The following HMCN1 variants were observed in gnomAD, a reference collection of about 807,000 sequenced individuals.
HMCN1 encodes the protein hemicentin-1.
In HMCN1, 321 loss-of-function variants were observed where a neutral mutation model predicts 625.9. The observed-to-expected ratio is 0.51, with a 90% CI of 0.47 to 0.56. The LOEUF (loss-of-function observed/expected upper bound fraction) is 0.56, where lower values mean the gene tolerates loss of function less well. HMCN1 is among the 20% of genes least tolerant of loss of function. The pLI is 0.00. For missense variants in HMCN1, 6,588 were observed against 6,887.3 expected, an observed-to-expected ratio of 0.96 and a Z score of 1.54; for synonymous variants, 2,425 against 2,417.6, an observed-to-expected ratio of 1.00 and a Z score of -0.09.
At chr1:185,779,888 T>G (rs1357313527) in intron 1 of HMCN1, among the ~76,000 whole-genome samples, 1 of 152,230 alleles carries the variant, frequency 6.6e-6, no homozygotes. Flanking sequence ...GTGAAGAAAG[T>G]CATTGGTAGC....
intron 41 of HMCN1, among the ~76,000 whole-genome samples, chr1:186,048,293 C>T (rs1350980176): frequency 6.6e-6 from 1 of 152,028 alleles, no homozygotes; most frequent in Admixed American, 6.6e-5. Context: ...AAGAATGAGG[C>T]TAATGTAATA....
chr1:185,994,869 G>A lies in HMCN1; in HGVS notation c.3560G>A (p.Arg1187Lys), dbSNP rs781319162. 2 of 1,613,818 alleles carry A rather than the reference G, an allele frequency of 1.2e-6. No homozygotes were observed. Among genetic ancestry groups the A allele is most frequent in the East Asian group, 4.5e-5 (2 of 44,856 alleles). The change falls in exon 24 of 107, where the codon AGA (arginine) becomes AAA (lysine). Residue 1187 changes from arginine to lysine, a missense_variant. Transcript: ENST00000271588. ...CATCTCAAAGTCCAAGTTGGTCAAA[G>A]AGTGGATATTCCATGTAATGCTCAA... ...PKHLKVQVGQ[R>K]VDIPCNAQGT... is the part of the protein sequence containing the mutation.
At chr1:185,994,127 A>G (rs972826248) in intron 23 of HMCN1, among the ~76,000 whole-genome samples, 1 of 152,166 alleles carries the variant, frequency 6.6e-6, no homozygotes, top group African/African-American at 2.4e-5. Context: ...AAAGAAAAAA[A>G]CATAGAAATT....
At chr1:185,805,904 G>A (rs1249420028) in intron 1 of HMCN1, among the ~76,000 whole-genome samples, 1 of 152,026 alleles carries the variant, frequency 6.6e-6, no homozygotes, top group Non-Finnish European at 1.5e-5. Flanking sequence ...CCACATTCAT[G>A]GTTAGGGCAT....
At chr1:185,862,190 T>C (rs186859834) in intron 2 of HMCN1, among the ~76,000 whole-genome samples, 2 of 141,212 alleles carry the variant, frequency 1.4e-5, no homozygotes, top group African/African-American at 6.4e-5. Context: ...GATAGAAAGA[T>C]AGAAAGATTA....
In HMCN1 at chr1:185,990,309, G is replaced by A. The variant is rs1211269673; in HGVS notation, c.3243G>A (p.Leu1081=). Residue 1081 remains leucine (L), a synonymous_variant, in exon 22 of 107, where the codon CTG becomes CTA. Transcript: ENST00000271588. ...RPRVFGDQRG[L]SQDKPVEISV... ...GAGTGTTTGGAGATCAACGAGGACT[G>A]TCCCAGGATAAGCCTGTTGAGATCT... 6.2e-7 allele frequency: 1 copy of A among 1,613,858 alleles called. No homozygotes were observed. Among genetic ancestry groups the A allele is most frequent in the Non-Finnish European group, 8.5e-7 (1 of 1,179,860 alleles).
At chr1:186,096,882 A>T (rs1299419720) in intron 68 of HMCN1, among the ~76,000 whole-genome samples, 1 of 152,262 alleles carries the variant, frequency 6.6e-6, no homozygotes, top group South Asian at 2.1e-4. Flanking sequence ...GGGATAGAAG[A>T]TACATACCTC....
intron 105 of HMCN1, among the ~76,000 whole-genome samples, chr1:186,186,724 T>C (rs1388080185): frequency 6.6e-6 from 1 of 152,092 alleles, no homozygotes. Flanking sequence ...GGCCATGAGA[T>C]GTTCTCAGGC....
At position 186,145,464 on chromosome 1, in the gene HMCN1, G is replaced by A. The variant is rs1288393054; in HGVS notation, c.14328G>A (p.Gly4776=). 24 of 1,609,928 alleles carry A rather than the reference G, an allele frequency of 1.5e-5. No homozygotes were observed. The highest frequency in any genetic ancestry group is 2.0e-5 in the Non-Finnish European group (23 of 1,177,338). Residue 4776 remains glycine, a synonymous_variant, in exon 92 of 107, where the codon GGG becomes GGA. Coordinates refer to ENST00000271588, the MANE Select transcript of HMCN1 (RefSeq NM_031935.3). The part of the protein sequence containing the change: ...WGTCSRTCNG[G]QMRRYRTCDN... ...CATGCAGCCGGACGTGTAACGGAGG[G>A]CAGATGCGGCGGTACCGCACATGTG...
At position 186,017,065 on chromosome 1, in the gene HMCN1, C is replaced by T. The variant is rs774365768; in HGVS notation, c.5294C>T (p.Thr1765Ile). 3 of 1,570,866 alleles carry T rather than the reference C, an allele frequency of 1.9e-6. No individual in the cohort carries two copies. Among genetic ancestry groups the T allele is most frequent in the Admixed American group, 1.7e-5 (1 of 59,900 alleles). ...CATGTGACAGGCTCTCCCCCACCAA[C>T]TATCATGTAAGGGTTTTGGTATGTC... ...DCHVTGSPPP[T>I]IMWLKDGQLI... The change falls in exon 33 of 107, where the codon ACT becomes ATT. Residue 1765 changes from threonine to isoleucine, a missense_variant. Coordinates refer to ENST00000271588, the MANE Select transcript of HMCN1 (RefSeq NM_031935.3).
At chr1:186,110,811 G>T (rs146016258) in intron 71 of HMCN1, among the ~76,000 whole-genome samples, 7 of 151,710 alleles carry the variant, frequency 4.6e-5, no homozygotes, top group African/African-American at 1.7e-4. Context: ...AAAGAAGGTC[G>T]TATTCATACC....
In HMCN1 at chr1:186,151,207, C is replaced by G; in HGVS notation, c.14616C>G (p.Pro4872=). The G allele has an allele frequency of 6.2e-7, 1 of 1,613,590 alleles. No individual in the cohort carries two copies. The highest frequency in any genetic ancestry group is 8.5e-7 in the Non-Finnish European group (1 of 1,179,736). The change falls in exon 94 of 107, where the codon CCC becomes CCG. Residue 4872 remains proline (P), a synonymous_variant. Transcript: ENST00000271588. The stretch of plus-strand genomic sequence containing the variant: ...TTTTTTTTCCCCCAATAGGTGGGCC[C>G]CAGCGAGCCAGAGGAAGTGTTATTG... ...RCNVQACPGG[P]QRARGSVIGN... is the part of the protein sequence containing the mutation.
intron 11 of HMCN1, among the ~76,000 whole-genome samples, chr1:185,946,014 G>A (rs558018533): frequency 4.6e-5 from 7 of 152,170 alleles, no homozygotes; most frequent in African/African-American, 7.2e-5. Context: ...TAAAAGCATG[G>A]TCTGATACAC....
At chr1:186,186,263 T>C (rs962143436) in intron 105 of HMCN1, among the ~76,000 whole-genome samples, 2 of 152,148 alleles carry the variant, frequency 1.3e-5, no homozygotes, top group African/African-American at 4.8e-5. Flanking sequence ...TTCTGAAATC[T>C]AATTTAAAAT....
intron 1 of HMCN1, among the ~76,000 whole-genome samples, chr1:185,760,705 T>C (rs1655440544): frequency 6.6e-6 from 1 of 152,112 alleles, no homozygotes; most frequent in Non-Finnish European, 1.5e-5. Context: ...CATCATATTA[T>C]AGAATGTGGA....
chr1:186,073,937 A>T (rs1658629508), intron 52 of HMCN1, among the ~76,000 whole-genome samples: 1 of 152,110 alleles, frequency 6.6e-6, no homozygotes, highest in African/African-American at 2.4e-5. Context: ...GTGGGTGAGA[A>T]AGGGTGAGGG....
At chr1:186,077,736 TCAAA>T (rs1411887551) in intron 54 of HMCN1, among the ~76,000 whole-genome samples, 2 of 152,228 alleles carry the variant, frequency 1.3e-5, no homozygotes, top group Non-Finnish European at 2.9e-5. Context: ...TATTGCTTTC[TCAAA>T]CAAGTACTTG....
chr1:186,160,302 C>T (rs1186114567), intron 97 of HMCN1, among the ~76,000 whole-genome samples: 2 of 146,858 alleles, frequency 1.4e-5, no homozygotes, highest in Non-Finnish European at 3.0e-5. Flanking sequence ...CTATTTGATT[C>T]TTCTCTCTTT....
rs74134237 is a variant in HMCN1 at position 185,966,919 on chromosome 1, C to T, written c.2212+1004C>T. On this transcript the variant is annotated intron_variant, in intron 14 of 106. Transcript: ENST00000271588. Reference sequence around the variant, plus strand: ...CAAGGTGGAAACTAGGAAGTAATGCCATTTTCCTGGTTGTCCATACTGAAA... The same window carrying T: ...CAAGGTGGAAACTAGGAAGTAATGCTATTTTCCTGGTTGTCCATACTGAAA... Among the ~76,000 whole-genome samples the T allele has an allele frequency of 3.2e-3, 480 of 152,076 alleles. 5 individuals are homozygous for T. The highest frequency in any genetic ancestry group is 0.011 in the African/African-American group (461 of 41,508).
Sources: allele counts gnomAD v4.1 joint callset (sites outside exome capture counted in the v4.1 genomes callset), GRCh38; gene constraint gnomAD v4.1.1; transcripts MANE v1.5; gene names NCBI Gene and HGNC (gene_info 2026-07-23, HGNC 2026-07-21).